The following UBAC1 variants were observed in gnomAD, a reference collection of about 807,000 sequenced individuals.
The protein encoded by UBAC1 is ubiquitin-associated domain-containing protein 1.
UBAC1 carries 27 observed loss-of-function variants against 45.9 expected under a neutral mutation model. The ratio of observed to expected loss-of-function variants is 0.59; its 90% CI spans 0.43 to 0.81. The LOEUF (loss-of-function observed/expected upper bound fraction) is 0.81, where lower values mean the gene tolerates loss of function less well. Ranked by LOEUF, UBAC1 falls within the 30% of genes least tolerant of loss-of-function variation. The pLI, the probability that UBAC1 is intolerant of heterozygous loss-of-function variation, is 0.00. For missense variants in UBAC1, 529 were observed against 539.2 expected (o/e 0.98, Z 0.19); for synonymous variants, 227 against 215.5 (o/e 1.05, Z -0.47).
In UBAC1 at chr9:135,945,244, C is replaced by T. The variant is rs765866029; in HGVS notation, c.660G>A (p.Ser220=). 9 of 1,581,334 alleles carry T rather than the reference C, an allele frequency of 5.7e-6. No homozygotes were observed. Among genetic ancestry groups the T allele is most frequent in the Admixed American group, 1.8e-5 (1 of 55,904 alleles). ...ATKALQLNHM[S]VPQAMEWLIE... Reference sequence around the variant, plus strand: ...TTAGCCACTCCATGGCCTGAGGCACCGACATGCTGCAAGGCAAGAGACTCT... The same window carrying T: ...TTAGCCACTCCATGGCCTGAGGCACTGACATGCTGCAAGGCAAGAGACTCT... Residue 220 remains serine (S), a synonymous_variant, in exon 7 of 10, where the codon TCG becomes TCA. Coordinates refer to ENST00000371756, the MANE Select transcript of UBAC1 (RefSeq NM_016172.3).
Position 135,933,400 on chromosome 9 carries a change from C to T in UBAC1, c.1218G>A (p.Ter406=). Residue 406 remains the stop codon, a stop_retained_variant, in exon 10 of 10, where the codon TAG becomes TAA. Transcript: ENST00000371756. ...SRIFQTLNRT[*] ...TGATAGCCGAGTGGAACAACGCCAC[C>T]TACGTGCGATTTAGTGTCTGGAAGA... The T allele has an allele frequency of 6.2e-7, 1 of 1,613,878 alleles. No homozygotes were observed. The highest frequency in any genetic ancestry group is 1.1e-5 in the South Asian group (1 of 91,082).
intron 3 of UBAC1, among the ~76,000 whole-genome samples, chr9:135,951,303 G>A (rs969315491): frequency 5.9e-5 from 9 of 151,624 alleles, no homozygotes; most frequent in Admixed American, 2.6e-4. Flanking sequence ...AAAAACATAC[G>A]TCACTTTGAC....
At chr9:135,960,958 A>AG (rs1839528100) in intron 1 of UBAC1, 67 bp downstream of exon 1, 2 of 1,372,914 alleles carry the variant, frequency 1.5e-6, no homozygotes, top group Non-Finnish European at 1.9e-6. Context: ...TCGGGGACTG[A>AG]GGCGGGGTCC....
At position 135,935,004 on chromosome 9, in the gene UBAC1, T is replaced by G. The variant is rs1034156649; in HGVS notation, c.1103-1489A>C. Among the ~76,000 whole-genome samples the G allele has an allele frequency of 2.6e-5, 4 of 152,284 alleles. No homozygotes were observed. In the South Asian group the frequency reaches 8.3e-4, roughly 32 times the overall value. On this transcript the variant is annotated intron_variant, in intron 9 of 9. Transcript: ENST00000371756. The stretch of plus-strand genomic sequence containing the variant: ...CAATGATCCTCCCACCTCAGTCCCC[T>G]GAGTAGCAGGGACTACAGGTACGTG...
rs1839433284 is a variant in UBAC1, at chr9:135,953,716, T to C, written c.297A>G (p.Pro99=). ...CTGAGACATCAGCCATCTTGGGAAG[T>C]GGTGATGGAGCACGCTTTTTTATCA... is the stretch of plus-strand genomic sequence containing the variant. ...LLLIKKRAPS[P]LPKMADVSAE... is the part of the protein sequence containing the mutation. Residue 99 remains proline, a synonymous_variant, in exon 3 of 10, where the codon CCA becomes CCG. Coordinates refer to ENST00000371756, the MANE Select transcript of UBAC1 (RefSeq NM_016172.3). 6.2e-7 allele frequency: 1 copy of C among 1,614,034 alleles called. No individual in the cohort carries two copies. The highest frequency in any genetic ancestry group is 1.3e-5 in the African/African-American group (1 of 75,048).
intron 3 of UBAC1, among the ~76,000 whole-genome samples, chr9:135,951,531 A>T (rs1478745282): frequency 6.6e-6 from 1 of 152,124 alleles, no homozygotes; most frequent in Admixed American, 6.5e-5. Flanking sequence ...AATGTAGGCC[A>T]GGCGCAATGG....
At chr9:135,952,056 T>G (rs1464680154) in intron 3 of UBAC1, among the ~76,000 whole-genome samples, 3 of 152,228 alleles carry the variant, frequency 2.0e-5, no homozygotes, top group African/African-American at 4.8e-5. Flanking sequence ...CTGTGAATGC[T>G]GCCTGCAGCA....
At chr9:135,955,004 C>T (rs1839449711) in intron 2 of UBAC1, among the ~76,000 whole-genome samples, 1 of 152,234 alleles carries the variant, frequency 6.6e-6, no homozygotes, top group Admixed American at 6.5e-5. Context: ...ACCTGCAGAA[C>T]CCCTGGAGTC....
chr9:135,941,374 C>G (rs1839267563), intron 7 of UBAC1, among the ~76,000 whole-genome samples: 1 of 152,112 alleles, frequency 6.6e-6, no homozygotes, highest in African/African-American at 2.4e-5. Flanking sequence ...CCACTGTACT[C>G]CAGCCTGGGC....
At chr9:135,948,882 C>T (rs1227969754) in intron 3 of UBAC1, among the ~76,000 whole-genome samples, 2 of 152,078 alleles carry the variant, frequency 1.3e-5, no homozygotes, top group East Asian at 1.9e-4. Flanking sequence ...CCAGCATGGC[C>T]AACATGGTGA....
chr9:135,959,909 C>T, intron 1 of UBAC1, among the ~76,000 whole-genome samples: 1 of 152,204 alleles, frequency 6.6e-6, no homozygotes, highest in Non-Finnish European at 1.5e-5. Flanking sequence ...CAGCACCTCC[C>T]AGTTATTCAC....
intron 7 of UBAC1, among the ~76,000 whole-genome samples, chr9:135,940,697 C>T (rs1166732447): frequency 2.0e-5 from 3 of 151,998 alleles, no homozygotes; most frequent in African/African-American, 7.3e-5. Flanking sequence ...ATTTTCTGGA[C>T]ACAATTCATG....
At chr9:135,952,284 A>G (rs552233822) in intron 3 of UBAC1, among the ~76,000 whole-genome samples, 4 of 152,398 alleles carry the variant, frequency 2.6e-5, no homozygotes, top group African/African-American at 7.2e-5. Flanking sequence ...GCCTAGCCCA[A>G]AAGAGTTTGA....
At chr9:135,945,840 C>T (rs1394090025) in intron 6 of UBAC1, 49 bp downstream of exon 6, 1 of 1,530,652 alleles carries the variant, frequency 6.5e-7, no homozygotes, top group Non-Finnish European at 9.0e-7. Context: ...CCCCACAAAA[C>T]CAGGCCCCAG....
intron 7 of UBAC1, among the ~76,000 whole-genome samples, chr9:135,942,630 G>GTT (rs1839282872): frequency 6.7e-6 from 1 of 149,440 alleles, no homozygotes; most frequent in Non-Finnish European, 1.5e-5. Context: ...TCCAGCCTGG[G>GTT]TGACAGAGTG....
At chr9:135,939,647 C>A (rs1164010135) in intron 8 of UBAC1, 26 bp downstream of exon 8, 3 of 1,604,160 alleles carry the variant, frequency 1.9e-6, no homozygotes, top group Non-Finnish European at 2.6e-6. Context: ...ACAGCCCACA[C>A]TCACTCACCA....
intron 7 of UBAC1, among the ~76,000 whole-genome samples, chr9:135,940,366 T>C (rs1434190890): frequency 1.3e-5 from 2 of 151,472 alleles, no homozygotes; most frequent in African/African-American, 4.9e-5. Context: ...GATCACCAGG[T>C]CAGGAGATCA....
chr9:135,946,226 G>T, intron 5 of UBAC1, 43 bp downstream of exon 5: 1 of 1,410,996 alleles, frequency 7.1e-7, no homozygotes, highest in Non-Finnish European at 1.0e-6. Context: ...CCCAAGGCCG[G>T]CAGTGAACCG....
intron 5 of UBAC1, 84 bp downstream of exon 5, chr9:135,946,185 C>A: frequency 8.9e-7 from 1 of 1,117,892 alleles, no homozygotes; most frequent in Admixed American, 1.8e-5. Flanking sequence ...AGGTTCCGGT[C>A]AGTGGTCAGT....
Sources: gnomAD v4.1 joint callset for allele counts (sites outside exome capture counted in the v4.1 genomes callset) on GRCh38, gnomAD v4.1.1 for gene constraint, MANE v1.5 for transcripts, NCBI Gene and HGNC (gene_info 2026-07-23, HGNC 2026-07-21) for gene names.